The following DLC1 variants were observed in gnomAD, a reference collection of about 807,000 sequenced individuals.
The protein encoded by DLC1 is rho GTPase-activating protein 7.
DLC1 carries 54 observed loss-of-function variants against 140.3 expected under a neutral mutation model. The ratio of observed to expected loss-of-function variants is 0.38; its 90% confidence interval spans 0.31 to 0.48. The LOEUF (loss-of-function observed/expected upper bound fraction) is 0.48. DLC1 is among the 20% of genes least tolerant of loss of function. The pLI, the probability that DLC1 is intolerant of heterozygous loss-of-function variation, is 0.96. For missense variants in DLC1, 2,536 were observed against 1,907.0 expected (o/e 1.33, Z -6.14); for synonymous variants, 986 against 728.1 (o/e 1.35, Z -5.70).
At chr8:13,143,202 A>G (rs1823142901) in intron 5 of DLC1, among the ~76,000 whole-genome samples, 1 of 152,340 alleles carries the variant, frequency 6.6e-6, no homozygotes, top group Non-Finnish European at 1.5e-5. Flanking sequence ...AGAACAAACA[A>G]AAAACAAAAG....
intron 1 of DLC1, among the ~76,000 whole-genome samples, chr8:13,570,384 C>G (rs1473946097): frequency 6.7e-6 from 1 of 148,164 alleles, no homozygotes; most frequent in Admixed American, 6.7e-5. Flanking sequence ...CATGCTGGTG[C>G]GCTGCACCCA....
At chr8:13,394,686 C>G (rs1466986551) in intron 3 of DLC1, among the ~76,000 whole-genome samples, 6 of 152,140 alleles carry the variant, frequency 3.9e-5, no homozygotes, top group African/African-American at 1.4e-4. Flanking sequence ...TTCACATGGT[C>G]AAATATCATG....
intron 16 of DLC1, among the ~76,000 whole-genome samples, chr8:13,087,647 A>T (rs914420836): frequency 2.0e-5 from 3 of 152,208 alleles, no homozygotes; most frequent in African/African-American, 7.2e-5. Flanking sequence ...AAAAGAGCCC[A>T]TTTGAAGTGT....
chr8:13,404,442 G>A (rs1400460722), intron 2 of DLC1, among the ~76,000 whole-genome samples: 1 of 151,960 alleles, frequency 6.6e-6, no homozygotes, highest in Non-Finnish European at 1.5e-5. Flanking sequence ...TGGGGTAGGG[G>A]GCCAGAAGGA....
intron 4 of DLC1, among the ~76,000 whole-genome samples, chr8:13,392,283 T>C (rs1836796367): frequency 6.6e-6 from 1 of 152,174 alleles, no homozygotes; most frequent in African/African-American, 2.4e-5. Flanking sequence ...ACAAGGAATA[T>C]GTTTTATTCC....
intron 2 of DLC1, among the ~76,000 whole-genome samples, chr8:13,457,271 T>C (rs1413820885): frequency 6.6e-6 from 1 of 152,224 alleles, no homozygotes; most frequent in East Asian, 1.9e-4. Context: ...TTATATAAAA[T>C]ATGATTCTGT....
intron 5 of DLC1, among the ~76,000 whole-genome samples, chr8:13,188,801 G>GTGTATGTATA (rs1293675412): frequency 2.5e-4 from 18 of 71,882 alleles, no homozygotes; most frequent in Non-Finnish European, 2.4e-5. Context: ...GTGTGTGTGT[G>GTGTATGTATA]TATATATATA....
chr8:13,349,383 C>A (rs7462299), intron 4 of DLC1, among the ~76,000 whole-genome samples: 3 of 151,206 alleles, frequency 2.0e-5, no homozygotes, highest in Admixed American at 6.6e-5. Flanking sequence ...CACATTATAG[C>A]GAAAATGGAA....
At position 13,088,654 on chromosome 8, in the gene DLC1, A is replaced by G; in HGVS notation, c.4125T>C (p.Pro1375=). 2 of 1,614,136 alleles carry G rather than the reference A, an allele frequency of 1.2e-6. No homozygotes were observed. Among genetic ancestry groups the G allele is most frequent in the Non-Finnish European group, 1.7e-6 (2 of 1,180,024 alleles). ...LRLWRSVIEV[P]AVPEEILKRL... is the part of the protein sequence containing the mutation. ...GCTTTAAGATTTCCTCTGGCACAGC[A>G]GGGACTTCAATGACTGACCTCCAAA... The change falls in exon 16 of 18, where the codon CCT becomes CCC. Residue 1375 remains proline, a synonymous_variant. Transcript: ENST00000276297.
At chr8:13,181,799 A>T (rs948950983) in intron 5 of DLC1, among the ~76,000 whole-genome samples, 2 of 152,082 alleles carry the variant, frequency 1.3e-5, no homozygotes, top group Non-Finnish European at 2.9e-5. Context: ...ATAAACATAC[A>T]TGTACATGTG....
chr8:13,424,828 C>A (rs746023452), intron 2 of DLC1, among the ~76,000 whole-genome samples: 51 of 152,052 alleles, frequency 3.4e-4, no homozygotes, highest in Non-Finnish European at 1.2e-4. Flanking sequence ...CTGCCTCGGC[C>A]TCCCAAAGTG....
At chr8:13,356,404 CA>C (rs202142768) in intron 4 of DLC1, among the ~76,000 whole-genome samples, 2,257 of 152,280 alleles carry the variant, frequency 0.015, 36 homozygotes, top group South Asian at 0.053. Flanking sequence ...CAGTTTGCCT[CA>C]ATTGATACTT....
intron 5 of DLC1, among the ~76,000 whole-genome samples, chr8:13,144,820 C>G (rs1823297924): frequency 6.6e-6 from 1 of 152,136 alleles, no homozygotes; most frequent in Non-Finnish European, 1.5e-5. Context: ...ATTTATCTGT[C>G]CTACTGGTTC....
chr8:13,468,895 A>G (rs1189147739), intron 2 of DLC1, among the ~76,000 whole-genome samples: 1 of 134,184 alleles, frequency 7.5e-6, no homozygotes, highest in African/African-American at 2.9e-5. Flanking sequence ...ATCTTGGTTC[A>G]CTGCAACCTC....
intron 5 of DLC1, among the ~76,000 whole-genome samples, chr8:13,139,534 C>A (rs1056998165): frequency 1.3e-5 from 2 of 152,166 alleles, no homozygotes; most frequent in Non-Finnish European, 2.9e-5. Context: ...CTGTTAATAG[C>A]GCTCTGTAAG....
chr8:13,132,582 C>T (rs1276198071), intron 5 of DLC1, among the ~76,000 whole-genome samples: 3 of 152,138 alleles, frequency 2.0e-5, no homozygotes, highest in African/African-American at 7.2e-5. Flanking sequence ...AGGTAGAAGG[C>T]GGTGTCGCCG....
intron 2 of DLC1, among the ~76,000 whole-genome samples, chr8:13,461,313 T>C (rs888185875): frequency 6.6e-6 from 1 of 152,252 alleles, no homozygotes; most frequent in African/African-American, 2.4e-5. Context: ...TGGAGATTTC[T>C]CCATTTCTTT....
chr8:13,174,316 T>C (rs537572253), intron 5 of DLC1, among the ~76,000 whole-genome samples: 2 of 152,220 alleles, frequency 1.3e-5, no homozygotes, highest in Non-Finnish European at 2.9e-5. Flanking sequence ...AGCAGTGCTG[T>C]TATGAACATA....
intron 4 of DLC1, among the ~76,000 whole-genome samples, chr8:13,328,229 C>T (rs1482933563): frequency 6.6e-6 from 1 of 152,092 alleles, no homozygotes; most frequent in East Asian, 1.9e-4. Context: ...GAGGATATAT[C>T]TGGAAGAAGG....
Sources: gnomAD v4.1 joint callset for allele counts (sites outside exome capture counted in the v4.1 genomes callset) on GRCh38, gnomAD v4.1.1 for gene constraint, MANE v1.5 for transcripts, NCBI Gene and HGNC (gene_info 2026-07-23, HGNC 2026-07-21) for gene names.